BTBD10: variants seen among roughly 807,000 people sequenced by gnomAD.
BTBD10 encodes the protein BTB/POZ domain-containing protein 10.
A neutral mutation model predicts 53.2 loss-of-function variants in BTBD10; 21 were observed. The observed-to-expected ratio is 0.39, with a 90% CI of 0.28 to 0.57. BTBD10 has a LOEUF of 0.57. BTBD10 is among the 20% of genes least tolerant of loss of function. The pLI is 0.53. For synonymous variants in BTBD10, 149 were observed against 192.7 expected, an observed-to-expected ratio of 0.77 and a Z score of 1.88; for missense variants, 360 against 594.7, an observed-to-expected ratio of 0.61 and a Z score of 4.10.
chr11:13,401,179 T>C (rs1949710091), intron 8 of BTBD10, among the ~76,000 whole-genome samples: 1 of 151,222 alleles, frequency 6.6e-6, no homozygotes, highest in African/African-American at 2.4e-5. Flanking sequence ...TGTACTATTT[T>C]AAATGAATTT....
chr11:13,417,059 A>G (rs2135814175), intron 5 of BTBD10, 99 bp downstream of exon 5: 1 of 764,346 alleles, frequency 1.3e-6, no homozygotes, highest in East Asian at 2.6e-5. Flanking sequence ...ATACCCTGGA[A>G]TAACTCCAGA....
chr11:13,452,768 C>T (rs529488711), intron 1 of BTBD10, among the ~76,000 whole-genome samples: 4 of 152,228 alleles, frequency 2.6e-5, no homozygotes, highest in East Asian at 3.9e-4. Context: ...TTTCCTTAAA[C>T]GTGAAATGAA....
chr11:13,442,938 GAT>G (rs1950685534), intron 2 of BTBD10, among the ~76,000 whole-genome samples: 1 of 152,202 alleles, frequency 6.6e-6, no homozygotes, highest in Admixed American at 6.5e-5. Context: ...TCCTTGGGCA[GAT>G]TTTCCATGAA....
intron 1 of BTBD10, among the ~76,000 whole-genome samples, chr11:13,455,466 T>C (rs1193600739): frequency 6.6e-6 from 1 of 152,214 alleles, no homozygotes; most frequent in African/African-American, 2.4e-5. Context: ...TGAAAATCTT[T>C]CCATATTTTA....
chr11:13,413,470 C>A, intron 6 of BTBD10, 60 bp downstream of exon 6: 2 of 1,456,046 alleles, frequency 1.4e-6, no homozygotes, highest in Non-Finnish European at 1.8e-6. Context: ...TAATTTCAGG[C>A]TTTTTGTTCC....
At chr11:13,442,577 T>C (rs1028289466) in intron 2 of BTBD10, among the ~76,000 whole-genome samples, 1 of 152,136 alleles carries the variant, frequency 6.6e-6, no homozygotes, top group Non-Finnish European at 1.5e-5. Context: ...ATCTACCTAA[T>C]ACTCTAATCA....
chr11:13,390,272 A>G (rs988980728), intron 8 of BTBD10, among the ~76,000 whole-genome samples: 8 of 152,220 alleles, frequency 5.3e-5, no homozygotes, highest in Admixed American at 1.3e-4. Flanking sequence ...GGTTTCTACT[A>G]GAGCTACTTT....
intron 8 of BTBD10, among the ~76,000 whole-genome samples, chr11:13,398,069 A>T (rs1286191495): frequency 6.6e-6 from 1 of 152,166 alleles, no homozygotes; most frequent in Non-Finnish European, 1.5e-5. Flanking sequence ...TGCTTGGTGC[A>T]GAGCTGAGTT....
At chr11:13,434,695 G>A (rs1046574873) in intron 2 of BTBD10, among the ~76,000 whole-genome samples, 12 of 152,190 alleles carry the variant, frequency 7.9e-5, no homozygotes, top group African/African-American at 2.9e-4. Flanking sequence ...GCAAACAATG[G>A]GAGAATGGGA....
At chr11:13,444,907 G>A (rs1320044840) in intron 2 of BTBD10, 117 bp downstream of exon 2, 5 of 605,872 alleles carry the variant, frequency 8.3e-6, no homozygotes, top group Middle Eastern at 4.8e-4. Context: ...CATTCACAAC[G>A]TTTTGTAAAA....
chr11:13,405,118 T>C (rs1949791416), intron 7 of BTBD10, among the ~76,000 whole-genome samples: 1 of 152,128 alleles, frequency 6.6e-6, no homozygotes, highest in Admixed American at 6.6e-5. Context: ...ATAGGCCATT[T>C]TGGTTAGAAA....
intron 2 of BTBD10, among the ~76,000 whole-genome samples, chr11:13,441,677 C>A (rs981714380): frequency 6.6e-6 from 1 of 151,786 alleles, no homozygotes; most frequent in African/African-American, 2.4e-5. Context: ...AAGTACAAGA[C>A]GAGAAAAAGT....
chr11:13,427,209 C>A (rs1290095205), intron 2 of BTBD10, among the ~76,000 whole-genome samples: 3 of 148,008 alleles, frequency 2.0e-5, no homozygotes. Context: ...AGAGGGAGAC[C>A]CTGTCTTAAA....
At chr11:13,431,839 A>G (rs1205236525) in intron 2 of BTBD10, among the ~76,000 whole-genome samples, 1 of 152,164 alleles carries the variant, frequency 6.6e-6, no homozygotes, top group African/African-American at 2.4e-5. Context: ...AGAACTGAAG[A>G]AAAACATCAG....
intron 8 of BTBD10, among the ~76,000 whole-genome samples, chr11:13,396,119 T>C (rs1949545331): frequency 6.6e-6 from 1 of 152,146 alleles, no homozygotes; most frequent in Non-Finnish European, 1.5e-5. Flanking sequence ...AATCTGTAAA[T>C]TACCTTGAGC....
At chr11:13,450,462 G>A (rs961109557) in intron 1 of BTBD10, among the ~76,000 whole-genome samples, 13 of 152,292 alleles carry the variant, frequency 8.5e-5, no homozygotes, top group Non-Finnish European at 1.3e-4. Flanking sequence ...ATCACTTGAT[G>A]AGCTTCTATC....
chr11:13,455,660 T>G (rs1247165404), intron 1 of BTBD10, among the ~76,000 whole-genome samples: 1 of 152,184 alleles, frequency 6.6e-6, no homozygotes, highest in Admixed American at 6.5e-5. Context: ...ACACCTTAGT[T>G]GAAGCAAACC....
At chr11:13,390,532 T>C (rs1394974744) in intron 8 of BTBD10, among the ~76,000 whole-genome samples, 2 of 152,014 alleles carry the variant, frequency 1.3e-5, no homozygotes, top group South Asian at 4.2e-4. Flanking sequence ...TTGGTAGAGA[T>C]GGGGTTTCAC....
At chr11:13,449,672 T>A (rs997048387) in intron 1 of BTBD10, among the ~76,000 whole-genome samples, 1 of 152,188 alleles carries the variant, frequency 6.6e-6, no homozygotes, top group Non-Finnish European at 1.5e-5. Context: ...TAGCTCATGG[T>A]TCTGGAGGCT....
Sources: allele counts gnomAD v4.1 joint callset (sites outside exome capture counted in the v4.1 genomes callset), GRCh38; gene constraint gnomAD v4.1.1; transcripts MANE v1.5; gene names NCBI Gene and HGNC (gene_info 2026-07-23, HGNC 2026-07-21).